Variants in CNNM3 observed in about 807,000 individuals in gnomAD.
CNNM3 encodes the protein cyclin and CBS domain divalent metal cation transport mediator 3.
CNNM3 carries 47 observed loss-of-function variants against 57.1 expected under a neutral mutation model. The observed-to-expected ratio is 0.82, with a 90% CI of 0.65 to 1.05. The LOEUF (loss-of-function observed/expected upper bound fraction) is 1.05. Ranked by LOEUF, CNNM3 falls within the 50% of genes least tolerant of loss-of-function variation. The pLI, the probability that CNNM3 is intolerant of heterozygous loss-of-function variation, is 0.00. For synonymous variants in CNNM3, 507 were observed against 478.2 expected (o/e 1.06, Z -0.79); for missense variants, 957 against 973.7 (o/e 0.98, Z 0.23).
chr2:96,825,089 G>A lies in CNNM3; in HGVS notation c.1257G>A (p.Val419=), dbSNP rs1472278884. The A allele has an allele frequency of 1.9e-6, 3 of 1,613,456 alleles. No individual in the cohort carries two copies. The highest frequency in any genetic ancestry group is 2.7e-5 in the African/African-American group (2 of 74,908). ...CCCACCTGGCCATCGTGCAGAAGGT[G>A]AACAACGAGGGTGAAGGCGACCCCT... is the stretch of plus-strand genomic sequence containing the variant. ...GKSHLAIVQK[V]NNEGEGDPFY... Residue 419 remains valine, a synonymous_variant, in exon 2 of 8, where the codon GTG becomes GTA. Transcript: ENST00000305510.
At chr2:96,817,591 G>C in intron 1 of CNNM3, 89 bp downstream of exon 1, 2 of 1,334,942 alleles carry the variant, frequency 1.5e-6, no homozygotes, top group Non-Finnish European at 2.1e-6. Flanking sequence ...TTCTGGAAAG[G>C]GTCCCACCCC....
Position 96,835,380 on chromosome 2 carries a change from G to A in CNNM3, c.*2764G>A, listed in dbSNP as rs565678451. Among the ~76,000 whole-genome samples the A allele has an allele frequency of 2.0e-5, 3 of 152,044 alleles. No individual in the cohort carries two copies. The highest frequency in any genetic ancestry group is 1.9e-4 in the East Asian group (1 of 5,186). On this transcript the variant is annotated 3_prime_UTR_variant, in exon 8 of 8. Transcript: ENST00000305510. ...AAATAAAGCTGCTACGACTATTCAT[G>A]TACAGGTTTCTGTGTCAGGATTAGT...
At chr2:96,828,461 G>A (rs2079547137) in intron 5 of CNNM3, 106 bp from the exon 6 acceptor site, 1 of 1,398,390 alleles carries the variant, frequency 7.2e-7, no homozygotes, top group Admixed American at 1.9e-5. Flanking sequence ...CCTCTCCAGA[G>A]TGATTGGTGG....
intron 7 of CNNM3, among the ~76,000 whole-genome samples, chr2:96,831,011 A>AC (rs1375792318): frequency 5.9e-5 from 9 of 152,206 alleles, no homozygotes; most frequent in African/African-American, 2.2e-4. Context: ...CTCAGACTGC[A>AC]CGTGTTGTAG....
At chr2:96,827,041 G>A in intron 3 of CNNM3, 59 bp downstream of exon 3, 1 of 1,556,992 alleles carries the variant, frequency 6.4e-7, no homozygotes. Context: ...GGGTCAGGAG[G>A]CCGCCCAGGG....
chr2:96,830,813 C>T (rs182244882), intron 7 of CNNM3, among the ~76,000 whole-genome samples: 207 of 152,274 alleles, frequency 1.4e-3, no homozygotes, highest in Non-Finnish European at 9.3e-4. Context: ...TAGCTAGTGC[C>T]GCACCTTTTA....
chr2:96,830,175 G>A (rs2079577346), intron 7 of CNNM3, among the ~76,000 whole-genome samples: 1 of 152,174 alleles, frequency 6.6e-6, no homozygotes, highest in Non-Finnish European at 1.5e-5. Context: ...TCAGAGATAT[G>A]CCTGAACTTG....
chr2:96,835,521 T>G (rs1177208056), downstream of CNNM3, among the ~76,000 whole-genome samples: 1 of 150,302 alleles, frequency 6.7e-6, no homozygotes, highest in Non-Finnish European at 1.5e-5. Flanking sequence ...CAGGCTGGAG[T>G]GCAGTGGCGC....
In CNNM3 at chr2:96,832,846, A is replaced by G; in HGVS notation, c.*230A>G. 4 of 1,512,400 alleles carry G rather than the reference A, an allele frequency of 2.6e-6. No individual in the cohort carries two copies. Among genetic ancestry groups the G allele is most frequent in the Non-Finnish European group, 3.5e-6 (4 of 1,132,288 alleles). The allele number at this position is 1,512,400 out of a possible 1,614,324, so 93.7% of individuals were successfully genotyped here. A position where few individuals can be genotyped will look rare whatever the true frequency, so the allele number is the denominator to read the frequency against. On this transcript the variant is annotated 3_prime_UTR_variant, in exon 8 of 8. Transcript: ENST00000305510. ...AGGAGTCACCAGGGCACAGCCCTCCAGGCCCGCCTCAGGAAGGAATGAAAG... is the reference window on the plus strand; with the variant it reads ...AGGAGTCACCAGGGCACAGCCCTCCGGGCCCGCCTCAGGAAGGAATGAAAG...
chr2:96,816,550 C>T lies in CNNM3; in HGVS notation c.273C>T (p.Ala91=), dbSNP rs1462695890. 3 of 1,327,192 alleles carry T rather than the reference C, an allele frequency of 2.3e-6. No homozygotes were observed. Among genetic ancestry groups the T allele is most frequent in the African/African-American group, 3.1e-5 (2 of 64,936 alleles). The allele number at this position is 1,327,192 out of a possible 1,614,324, so 82.2% of individuals were successfully genotyped here. ...GGGCGGGCTGCCGGGAGGAGGCGGC[C>T]TCCCCCGCGGGCGAGTGGCGCGCGC... ...PEGAGCREEA[A]SPAGEWRALL... is the part of the protein sequence containing the mutation. Residue 91 remains alanine (A), a synonymous_variant, in exon 1 of 8, where the codon GCC becomes GCT. Coordinates refer to ENST00000305510, the MANE Select transcript of CNNM3 (RefSeq NM_017623.5).
intron 1 of CNNM3, 46 bp downstream of exon 1, chr2:96,817,548 C>T (rs1205955717): frequency 2.6e-6 from 4 of 1,549,454 alleles, no homozygotes; most frequent in Non-Finnish European, 3.5e-6. Flanking sequence ...CGAGTGCCCT[C>T]TCCCTGAAAA....
Position 96,828,639 on chromosome 2 carries a change from A to T in CNNM3, c.1859A>T (p.His620Leu). The change falls in exon 6 of 8, where the codon CAT becomes CTT. Residue 620 changes from histidine to leucine, a missense_variant. Physicochemically the swap from His to Leu is moderately conservative, Grantham distance 99. Transcript: ENST00000305510. ...CAGCCCGACCCAGGTGACGGCACGC[A>T]TTCATCTGCGTATTGTCCCGACTAC... ...DLQPDPGDGT[H>L]SSAYCPDYTV... 2 of 1,614,112 alleles carry T rather than the reference A, an allele frequency of 1.2e-6. No homozygotes were observed. Among genetic ancestry groups the T allele is most frequent in the Non-Finnish European group, 1.7e-6 (2 of 1,180,020 alleles).
Position 96,816,824 on chromosome 2 carries a change from C to T in CNNM3, c.547C>T (p.Arg183Cys), listed in dbSNP as rs1191059096. The T allele has an allele frequency of 7.1e-5, 74 of 1,035,258 alleles. No homozygotes were observed. Among genetic ancestry groups the T allele is most frequent in the Non-Finnish European group, 8.5e-5 (74 of 865,830 alleles). 64.1% of individuals were successfully genotyped at this position (1,035,258 alleles called of 1,614,324 possible). Residue 183 changes from arginine (R) to cysteine (C), a missense_variant, in exon 1 of 8, where the codon CGT becomes TGT. Arg to Cys is a radical substitution (Grantham distance 180). This residue lies in a region of CNNM3 where 466 missense variants were observed against 403.1 expected (regional missense o/e 1.16). Transcript: ENST00000305510. ...GGAGGCGGAGCGTGCGGCGGCGCGGCGTTTGGAGCCCGCGCGGCGCTGGGC... is the reference window on the plus strand; with the variant it reads ...GGAGGCGGAGCGTGCGGCGGCGCGGTGTTTGGAGCCCGCGCGGCGCTGGGC... Reference protein sequence around the residue: ...GSEAERAAARRLEPARRWAGC... With the variant: ...GSEAERAAARCLEPARRWAGC...
rs1311015711 is a variant in CNNM3 at position 96,832,916 on chromosome 2, C to A, written c.*300C>A. On this transcript the variant is annotated 3_prime_UTR_variant, in exon 8 of 8. Coordinates refer to ENST00000305510, the MANE Select transcript of CNNM3 (RefSeq NM_017623.5). ...TCCCAGGGCCCAGCCTTCCCCTTCT[C>A]CCCCGGGGCAGGGACAGTGCGGCAT... The A allele has an allele frequency of 2.1e-6, 3 of 1,439,758 alleles. No homozygotes were observed. Among genetic ancestry groups the A allele is most frequent in the Admixed American group, 4.2e-5 (2 of 47,948 alleles). 89.2% of individuals were successfully genotyped at this position (1,439,758 alleles called of 1,614,324 possible). A position where few individuals can be genotyped will look rare whatever the true frequency, so the allele number is the denominator to read the frequency against.
chr2:96,816,416 G>T lies in CNNM3; in HGVS notation c.139G>T (p.Gly47Cys). Residue 47 changes from glycine (G) to cysteine (C), a missense_variant, in exon 1 of 8, where the codon GGT (glycine) becomes TGT (cysteine). Coordinates refer to ENST00000305510, the MANE Select transcript of CNNM3 (RefSeq NM_017623.5). ...GGAGGAGGATGGAGCGGCGGGCGCG[G>T]GTTGGGTACGCGGAGGGGCGGCGCG... The part of the protein sequence containing the change: ...CLEEDGAAGA[G>C]WVRGGAARDT... 1 of 1,379,538 alleles carries T rather than the reference G, an allele frequency of 7.2e-7. No homozygotes were observed. Among genetic ancestry groups the T allele is most frequent in the Non-Finnish European group, 9.3e-7 (1 of 1,069,702 alleles). 85.5% of individuals were successfully genotyped at this position (1,379,538 alleles called of 1,614,324 possible). A position where few individuals can be genotyped will look rare whatever the true frequency, so the allele number is the denominator to read the frequency against.
downstream of CNNM3, among the ~76,000 whole-genome samples, chr2:96,835,905 T>C (rs1362308165): frequency 6.6e-6 from 1 of 152,226 alleles, no homozygotes; most frequent in African/African-American, 2.4e-5. Flanking sequence ...CGGTGGTTTT[T>C]CATTTGCATT....
rs1164143142 is a variant in CNNM3, at chr2:96,834,180, A to C, written c.*1564A>C. On this transcript the variant is annotated 3_prime_UTR_variant, in exon 8 of 8. Transcript: ENST00000305510. The stretch of plus-strand genomic sequence containing the variant: ...TGATCTGCCTGCCTTGGCCTCCCAA[A>C]GTGCTGGGATTATAGGTGTGAGCTA... Among the ~76,000 whole-genome samples, 2 of 152,166 alleles carry C rather than the reference A, an allele frequency of 1.3e-5. No homozygotes were observed. Among genetic ancestry groups the C allele is most frequent in the Non-Finnish European group, 2.9e-5 (2 of 68,024 alleles).
chr2:96,831,917 A>G (rs2079609897), intron 7 of CNNM3: 5 of 951,348 alleles, frequency 5.3e-6, no homozygotes, highest in African/African-American at 1.8e-5. Flanking sequence ...AAGAGGCACA[A>G]CCATTTCTGC....
Position 96,816,513 on chromosome 2 carries a change from T to A in CNNM3, c.236T>A (p.Val79Glu), listed in dbSNP as rs1187852459. 2.1e-6 allele frequency: 3 copies of A among 1,412,368 alleles called. No individual in the cohort carries two copies. The highest frequency in any genetic ancestry group is 3.0e-5 in the East Asian group (1 of 32,790). 87.5% of individuals were successfully genotyped at this position (1,412,368 alleles called of 1,614,324 possible). Reference sequence around the variant, plus strand: ...TTCGCCAACAGCTCTTGGTCCTGGGTGGCCCCGGAGGGGGCGGGCTGCCGG... The same window carrying A: ...TTCGCCAACAGCTCTTGGTCCTGGGAGGCCCCGGAGGGGGCGGGCTGCCGG... ...PGFANSSWSW[V>E]APEGAGCREE... The change falls in exon 1 of 8, where the codon GTG (valine) becomes GAG (glutamate). Residue 79 changes from valine (V) to glutamate (E), a missense_variant. Coordinates refer to ENST00000305510, the MANE Select transcript of CNNM3 (RefSeq NM_017623.5).
Sources: gnomAD v4.1 joint callset for allele counts (sites outside exome capture counted in the v4.1 genomes callset) on GRCh38, gnomAD v4.1.1 for gene constraint, gnomAD v4.1.1 regional missense constraint, MANE v1.5 for transcripts, NCBI Gene and HGNC (gene_info 2026-07-23, HGNC 2026-07-21) for gene names.